The following SYNPR variants were observed in gnomAD, a reference collection of about 807,000 sequenced individuals.
The protein encoded by SYNPR is synaptoporin.
A neutral mutation model predicts 32.9 loss-of-function variants in SYNPR; 23 were observed. The ratio of observed to expected loss-of-function variants is 0.70; its 90% CI spans 0.50 to 0.99. SYNPR has a LOEUF of 0.99. Among genes scored for constraint, SYNPR ranks in the 50% least tolerant of loss-of-function variants. SYNPR has a pLI of 0.00. For missense variants in SYNPR, 318 were observed against 349.3 expected (o/e 0.91, Z 0.71); for synonymous variants, 146 against 135.9 (o/e 1.07, Z -0.52).
At chr3:63,257,160 G>A (rs770001796) in intron 2 of SYNPR, among the ~76,000 whole-genome samples, 82 of 152,202 alleles carry the variant, frequency 5.4e-4, no homozygotes, top group Non-Finnish European at 9.1e-4. Context: ...TATTATCCAG[G>A]AGAACTTCCC....
chr3:63,276,332 A>G (rs1226260803), upstream of SYNPR, among the ~76,000 whole-genome samples: 1 of 152,134 alleles, frequency 6.6e-6, no homozygotes, highest in East Asian at 1.9e-4. Flanking sequence ...ACATTGCTAC[A>G]ATCTACCCTG....
At chr3:63,568,295 G>A (rs549000031) in intron 4 of SYNPR, among the ~76,000 whole-genome samples, 1 of 152,198 alleles carries the variant, frequency 6.6e-6, no homozygotes, top group Non-Finnish European at 1.5e-5. Flanking sequence ...GCTGTATATT[G>A]AGTGTGATCC....
At chr3:63,609,358 T>C (rs1700167457) in intron 5 of SYNPR, 42 bp downstream of exon 5, 1 of 1,430,682 alleles carries the variant, frequency 7.0e-7, no homozygotes, top group Non-Finnish European at 9.2e-7. Context: ...ATATCTTTGT[T>C]TGCCAGTCAA....
chr3:63,301,660 C>A (rs2086859248), intron 2 of SYNPR, among the ~76,000 whole-genome samples: 1 of 152,016 alleles, frequency 6.6e-6, no homozygotes, highest in South Asian at 2.1e-4. Context: ...TTGTACAGTT[C>A]TTCCAAATCT....
chr3:63,527,388 A>C (rs914004499), intron 3 of SYNPR, among the ~76,000 whole-genome samples: 1 of 152,256 alleles, frequency 6.6e-6, no homozygotes, highest in South Asian at 2.1e-4. Flanking sequence ...CCATTAAAAA[A>C]AAAATTCAGA....
intron 2 of SYNPR, among the ~76,000 whole-genome samples, chr3:63,265,379 G>C (rs2086477008): frequency 6.6e-6 from 1 of 151,164 alleles, no homozygotes; most frequent in Non-Finnish European, 1.5e-5. Flanking sequence ...AGCCTCCCGA[G>C]TGGCTGACAT....
At chr3:63,555,372 T>C (rs1415944372) in intron 3 of SYNPR, among the ~76,000 whole-genome samples, 2 of 151,966 alleles carry the variant, frequency 1.3e-5, no homozygotes, top group African/African-American at 4.8e-5. Context: ...AGTGGCACTT[T>C]ATGGTCATAA....
chr3:63,422,898 G>A (rs1358363063), intron 2 of SYNPR, among the ~76,000 whole-genome samples: 1 of 151,764 alleles, frequency 6.6e-6, no homozygotes, highest in African/African-American at 2.4e-5. Context: ...CAACTTAAAT[G>A]TCCATCATTA....
chr3:63,210,687 A>T, the SYNPR span, among the ~76,000 whole-genome samples: 1 of 152,326 alleles, frequency 6.6e-6, no homozygotes, highest in East Asian at 1.9e-4. Context: ...ACACCTGGTA[A>T]CTGTTAAACA....
At chr3:63,520,711 C>T (rs980879166) in intron 3 of SYNPR, among the ~76,000 whole-genome samples, 3 of 151,930 alleles carry the variant, frequency 2.0e-5, no homozygotes, top group Admixed American at 6.6e-5. Flanking sequence ...CTCACCATCG[C>T]CATCAATTTA....
intron 1 of SYNPR, among the ~76,000 whole-genome samples, chr3:63,245,225 C>T (rs2086275049): frequency 6.6e-6 from 1 of 151,906 alleles, no homozygotes; most frequent in African/African-American, 2.4e-5. Flanking sequence ...ATGATTTTTC[C>T]TGAATCACAA....
intron 2 of SYNPR, among the ~76,000 whole-genome samples, chr3:63,387,798 C>A (rs1244676290): frequency 2.0e-5 from 3 of 152,138 alleles, no homozygotes. Flanking sequence ...ACAAAGCAGC[C>A]TTGAAGTGCG....
intron 5 of SYNPR, among the ~76,000 whole-genome samples, chr3:63,613,198 C>T (rs1172830868): frequency 6.6e-6 from 1 of 151,120 alleles, no homozygotes; most frequent in Non-Finnish European, 1.5e-5. Context: ...TGCCCAGGCA[C>T]CTCAATAATT....
upstream of SYNPR, among the ~76,000 whole-genome samples, chr3:63,225,340 G>A (rs988223520): frequency 2.0e-5 from 3 of 152,220 alleles, no homozygotes; most frequent in Admixed American, 6.5e-5. Flanking sequence ...CACATCATGT[G>A]ATATGACCAA....
intron 5 of SYNPR, 150 bp from the exon 6 acceptor site, chr3:63,615,074 G>C: frequency 1.1e-6 from 1 of 944,340 alleles, no homozygotes. Flanking sequence ...TATTCTAAAT[G>C]AAATACCGGT....
chr3:63,310,214 A>G (rs2086950187), intron 2 of SYNPR, among the ~76,000 whole-genome samples: 1 of 151,632 alleles, frequency 6.6e-6, no homozygotes, highest in Non-Finnish European at 1.5e-5. Context: ...TGGTCTCCTT[A>G]TTTGTTTTGT....
intron 3 of SYNPR, among the ~76,000 whole-genome samples, chr3:63,506,280 C>T (rs983710284): frequency 6.6e-6 from 1 of 152,152 alleles, no homozygotes; most frequent in African/African-American, 2.4e-5. Flanking sequence ...CCTAAGGTGA[C>T]TGATGGAGTA....
intron 3 of SYNPR, among the ~76,000 whole-genome samples, chr3:63,487,813 A>G (rs1239554991): frequency 6.6e-6 from 1 of 152,208 alleles, no homozygotes; most frequent in Non-Finnish European, 1.5e-5. Context: ...GGAGGTTGGC[A>G]TCGGTGGAGT....
chr3:63,451,867 G>C (rs1409202618), intron 2 of SYNPR, among the ~76,000 whole-genome samples: 1 of 151,978 alleles, frequency 6.6e-6, no homozygotes, highest in Non-Finnish European at 1.5e-5. Flanking sequence ...CAGAAAACTC[G>C]GTTAGCTCAA....
Sources: allele counts gnomAD v4.1 joint callset (sites outside exome capture counted in the v4.1 genomes callset), GRCh38; gene constraint gnomAD v4.1.1; transcripts MANE v1.5; gene names NCBI Gene and HGNC (gene_info 2026-07-23, HGNC 2026-07-21).